The following NSMCE1 variants were observed in gnomAD, a reference collection of about 807,000 sequenced individuals.
NSMCE1 encodes non-structural maintenance of chromosomes element 1 homolog.
In NSMCE1, 18 loss-of-function variants were observed where a neutral mutation model predicts 29.6. The ratio of observed to expected loss-of-function variants is 0.61; its 90% confidence interval spans 0.42 to 0.90. The LOEUF (loss-of-function observed/expected upper bound fraction) is 0.90. NSMCE1 is among the 40% of genes least tolerant of loss of function. NSMCE1 has a pLI of 0.00. For missense variants in NSMCE1, 314 were observed against 343.6 expected (o/e 0.91, Z 0.68); for synonymous variants, 124 against 133.4 (o/e 0.93, Z 0.49).
chr16:27,243,245 G>A (rs1051201612), intron 2 of NSMCE1, among the ~76,000 whole-genome samples: 11 of 152,186 alleles, frequency 7.2e-5, no homozygotes, highest in South Asian at 2.1e-4. Context: ...ACCACTGACC[G>A]TTCACCGTCT....
At chr16:27,262,375 G>A (rs943637498) in intron 1 of NSMCE1, among the ~76,000 whole-genome samples, 2 of 152,146 alleles carry the variant, frequency 1.3e-5, no homozygotes, top group Non-Finnish European at 2.9e-5. Flanking sequence ...TAAACAGCAT[G>A]GTGCTGGTAC....
chr16:27,234,364 T>A (rs2083796432), intron 3 of NSMCE1, 99 bp from the exon 4 acceptor site: 23 of 806,494 alleles, frequency 2.9e-5, no homozygotes, highest in South Asian at 2.6e-4. Context: ...CTCTGGCCAG[T>A]CACTGAGCTC....
intron 2 of NSMCE1, among the ~76,000 whole-genome samples, chr16:27,252,984 T>C (rs1364948086): frequency 6.6e-6 from 1 of 152,118 alleles, no homozygotes; most frequent in African/African-American, 2.4e-5. Context: ...CTTCGGGTTA[T>C]TAAACACACA....
In NSMCE1 at chr16:27,232,042, T is replaced by C. The variant is rs1173045865; in HGVS notation, c.483+959A>G. On this transcript the variant is annotated intron_variant, in intron 5 of 7. Coordinates refer to ENST00000361439, the MANE Select transcript of NSMCE1 (RefSeq NM_145080.4). The surrounding 1 kb of genome is among the most constrained non-coding windows in gnomAD (Gnocchi z 4.5). ...AGGAACTGAATTCGGGTCAGGTTCC[T>C]GGGACAGGCCCACCCTAAATAGAAA... Among the ~76,000 whole-genome samples the C allele has an allele frequency of 6.6e-6, 1 of 152,188 alleles. No homozygotes were observed. The highest frequency in any genetic ancestry group is 2.4e-5 in the African/African-American group (1 of 41,442).
chr16:27,251,964 G>A (rs1390351816), intron 2 of NSMCE1, among the ~76,000 whole-genome samples: 2 of 150,814 alleles, frequency 1.3e-5, no homozygotes, highest in African/African-American at 4.8e-5. Flanking sequence ...TCTCCTCAAC[G>A]CAGGGAGGCT....
chr16:27,226,857 T>C lies in NSMCE1; in HGVS notation c.484-21A>G, dbSNP rs763092975. The C allele has an allele frequency of 2.0e-6, 3 of 1,501,310 alleles. No homozygotes were observed. In the African/African-American group the frequency reaches 4.1e-5, roughly 21 times the overall value. The allele number at this position is 1,501,310 out of a possible 1,614,324, so 93.0% of individuals were successfully genotyped here. On this transcript the variant is annotated intron_variant, in intron 5 of 7. Transcript: ENST00000361439. ...TCCTTCTGCAGGGACACACAGGAGG[T>C]GGCCACCCTCAGCCAGGCCCTCTCC...
intron 2 of NSMCE1, among the ~76,000 whole-genome samples, chr16:27,250,159 T>G (rs1426211603): frequency 1.3e-5 from 2 of 152,254 alleles, no homozygotes. Context: ...AGATTTTTTG[T>G]AGATTCCATC....
chr16:27,229,611 G>T (rs998564121), intron 5 of NSMCE1, among the ~76,000 whole-genome samples: 4 of 152,174 alleles, frequency 2.6e-5, no homozygotes, highest in African/African-American at 9.6e-5. Flanking sequence ...TTTCGCTCTT[G>T]TTGCCCAGGC....
In NSMCE1 at chr16:27,225,166, C is replaced by G; in HGVS notation, c.792G>C (p.Arg264Ser). The G allele has an allele frequency of 6.3e-7, 1 of 1,599,290 alleles. No individual in the cohort carries two copies. The highest frequency in any genetic ancestry group is 8.5e-7 in the Non-Finnish European group (1 of 1,170,350). ...LKSNKKSLRS[R>S]QH ...CAGCAGGGCACGATGGCTAATGCTG[C>G]CTGGACCGCAGGGACTTTTTGTTCG... The change falls in exon 8 of 8, where the codon AGG (arginine) becomes AGC (serine). Residue 264 changes from arginine (R) to serine (S), a missense_variant. Coordinates refer to ENST00000361439, the MANE Select transcript of NSMCE1 (RefSeq NM_145080.4).
At chr16:27,237,395 G>GC (rs1373432194) in intron 2 of NSMCE1, among the ~76,000 whole-genome samples, 1 of 152,166 alleles carries the variant, frequency 6.6e-6, no homozygotes, top group Admixed American at 6.5e-5. Flanking sequence ...GTTCTCTTCT[G>GC]CCCCCGGTGC....
At chr16:27,235,480 G>C (rs1178875013) in intron 2 of NSMCE1, among the ~76,000 whole-genome samples, 181 bp from the exon 3 acceptor site, 4 of 152,176 alleles carry the variant, frequency 2.6e-5, no homozygotes, top group Non-Finnish European at 5.9e-5. Flanking sequence ...TGGAGTACTT[G>C]GAAGACAAAC....
chr16:27,229,822 A>G (rs1374810277), intron 5 of NSMCE1, among the ~76,000 whole-genome samples: 1 of 151,998 alleles, frequency 6.6e-6, no homozygotes, highest in Non-Finnish European at 1.5e-5. Context: ...CAAGTGATCT[A>G]CCCGCCTTGG....
intron 2 of NSMCE1, among the ~76,000 whole-genome samples, chr16:27,236,520 C>A (rs992589048): frequency 4.6e-5 from 7 of 152,098 alleles, no homozygotes; most frequent in Non-Finnish European, 7.4e-5. Flanking sequence ...TGGTCTCGAT[C>A]TCCTGACCTC....
chr16:27,237,681 G>A (rs1046294357), intron 2 of NSMCE1, among the ~76,000 whole-genome samples: 3 of 152,222 alleles, frequency 2.0e-5, no homozygotes, highest in East Asian at 3.9e-4. Flanking sequence ...GGCCCCTCCT[G>A]GGTATCACTG....
intron 4 of NSMCE1, chr16:27,233,868 G>A: frequency 3.0e-6 from 1 of 330,956 alleles, no homozygotes; most frequent in Non-Finnish European, 5.5e-6. Flanking sequence ...TGCTGCTGCT[G>A]CTGCCTTTCC....
chr16:27,257,371 T>C, intron 2 of NSMCE1, 64 bp downstream of exon 2: 2 of 1,444,624 alleles, frequency 1.4e-6, no homozygotes, highest in South Asian at 2.6e-5. Flanking sequence ...GTATTGTACC[T>C]ATGTCACTGG....
In NSMCE1 at chr16:27,235,287, A is replaced by G. The variant is rs1824299572; in HGVS notation, c.149T>C (p.Val50Ala). The G allele has an allele frequency of 6.2e-7, 1 of 1,613,428 alleles. No individual in the cohort carries two copies. Residue 50 changes from valine to alanine, a missense_variant, in exon 3 of 8, where the codon GTA (valine) becomes GCA (alanine). Val to Ala is a moderately conservative substitution (Grantham distance 64). Coordinates refer to ENST00000361439, the MANE Select transcript of NSMCE1 (RefSeq NM_145080.4). Reference protein sequence around the residue: ...CYKVHDRNATVDKLEDFINNI... With the variant: ...CYKVHDRNATADKLEDFINNI... ...GTTGATGAAGTCCTCCAACTTATCT[A>G]CGGTGGCATTGCCTGGAAATAAACA...
intron 2 of NSMCE1, among the ~76,000 whole-genome samples, chr16:27,246,873 G>C (rs1049161589): frequency 3.9e-5 from 6 of 152,040 alleles, no homozygotes; most frequent in African/African-American, 1.5e-4. Context: ...TTGTACACTG[G>C]AGAAACCTGG....
At chr16:27,243,058 A>G (rs1218413877) in intron 2 of NSMCE1, among the ~76,000 whole-genome samples, 1 of 152,256 alleles carries the variant, frequency 6.6e-6, no homozygotes, top group Non-Finnish European at 1.5e-5. Context: ...CTGTGGGCAC[A>G]GCAGGGAGCT....
Sources: gnomAD v4.1 joint callset for allele counts (sites outside exome capture counted in the v4.1 genomes callset) on GRCh38, gnomAD v4.1.1 for gene constraint, Gnocchi (gnomAD v3.1) non-coding constraint, MANE v1.5 for transcripts, NCBI Gene and HGNC (gene_info 2026-07-23, HGNC 2026-07-21) for gene names.